Variants in POU2F2 observed in about 807,000 individuals in gnomAD.
The protein encoded by POU2F2 is POU domain, class 2, transcription factor 2.
Under a neutral mutation model 63.5 loss-of-function variants are expected in POU2F2, and 14 were observed. The ratio of observed to expected loss-of-function variants is 0.22; its 90% CI spans 0.15 to 0.34. The LOEUF is 0.34. Ranked by LOEUF, POU2F2 falls within the 10% of genes least tolerant of loss-of-function variation. The probability of loss-of-function intolerance (pLI) is 1.00; values close to 1 mark genes in which losing one functional copy is unlikely to be tolerated. For synonymous variants in POU2F2, 306 were observed against 348.6 expected, an observed-to-expected ratio of 0.88 and a Z score of 1.36; for missense variants, 607 against 815.2, an observed-to-expected ratio of 0.74 and a Z score of 3.11.
chr19:42,194,658 C>T (rs1023702441), intron 1 of POU2F2, among the ~76,000 whole-genome samples: 2 of 140,582 alleles, frequency 1.4e-5, no homozygotes, highest in Non-Finnish European at 3.0e-5. Context: ...GCCAGGGAGG[C>T]TGAAGCAGAA....
rs1003607068 is a variant in POU2F2 at position 42,155,235 on chromosome 19, C to T, written c.-9+5097G>A. ...CTCTCATGCGCTCAGCTCGCATGCA[C>T]GCGCCCTCTCTTTCTCTCTGTTCCT... On this transcript the variant is annotated intron_variant, in intron 2 of 6. Transcript: ENST00000524801. The surrounding 1 kb of genome is among the most constrained non-coding windows in gnomAD (Gnocchi z 4.2). Among the ~76,000 whole-genome samples the T allele has an allele frequency of 3.3e-5, 5 of 152,272 alleles. No homozygotes were observed. Among genetic ancestry groups the T allele is most frequent in the Non-Finnish European group, 7.3e-5 (5 of 68,050 alleles).
chr19:42,179,519 G>C (rs906953581), upstream of POU2F2, among the ~76,000 whole-genome samples: 1 of 151,976 alleles, frequency 6.6e-6, no homozygotes, highest in Non-Finnish European at 1.5e-5. Context: ...GAGGGAACAG[G>C]AGGGGGAAGG....
rs2034709977 is a variant in POU2F2, at chr19:42,169,248, T to C, written c.-70+6715A>G. On this transcript the variant is annotated intron_variant, in intron 1 of 6. Transcript: ENST00000524801. The surrounding 1 kb of genome is among the most constrained non-coding windows in gnomAD (Gnocchi z 4.3). ...CCCTGTGGGATTTCTGAATGTGGCC[T>C]GTGTGCACCCACAGGCATATAGGCT... 6.6e-6 allele frequency among the ~76,000 whole-genome samples: 1 copy of C among 152,254 alleles called. No individual in the cohort carries two copies. Among genetic ancestry groups the C allele is most frequent in the Admixed American group, 6.5e-5 (1 of 15,288 alleles).
At position 42,117,421 on chromosome 19, in the gene POU2F2, G is replaced by A. The variant is rs186674690; in HGVS notation, c.198C>T (p.Leu66=). Residue 66 remains leucine (L), a synonymous_variant, in exon 5 of 15, where the codon CTC becomes CTT. Transcript: ENST00000692977. The surrounding 1 kb of genome is among the most constrained non-coding windows in gnomAD (Gnocchi z 4.4). ...CCCAGAATGTTAAGTGGAGGCCAGA[G>A]AGAATGCCCACCTGTGAACCAAAGA... ...PTGPSTKVGI[L]SGLHLTFWGP... 1 of 1,277,052 alleles carries A rather than the reference G, an allele frequency of 7.8e-7. No homozygotes were observed. The highest frequency in any genetic ancestry group is 2.5e-5 in the East Asian group (1 of 39,716). The allele number at this position is 1,277,052 out of a possible 1,614,324, so 79.1% of individuals were successfully genotyped here.
upstream of POU2F2, among the ~76,000 whole-genome samples, chr19:42,176,528 A>C (rs1161891305): frequency 2.0e-5 from 3 of 151,554 alleles, no homozygotes; most frequent in Non-Finnish European, 4.4e-5. Flanking sequence ...CTCCGTCCTC[A>C]GCCGACTGCC....
intron 7 of POU2F2, among the ~76,000 whole-genome samples, chr19:42,097,982 G>T (rs2076987578): frequency 1.3e-5 from 2 of 152,084 alleles, no homozygotes; most frequent in Admixed American, 1.3e-4. Flanking sequence ...TGTTGTTGTT[G>T]TTGTTTTAGA....
At chr19:42,137,587 G>T (rs1445311950) in intron 2 of POU2F2, among the ~76,000 whole-genome samples, 3 of 151,970 alleles carry the variant, frequency 2.0e-5, no homozygotes, top group Non-Finnish European at 4.4e-5. Flanking sequence ...TTAGCTGGGT[G>T]TGGTGGTGTG....
At chr19:42,160,471 G>T (rs1177810279) in intron 1 of POU2F2, 1 of 152,200 alleles carries the variant, frequency 6.6e-6, no homozygotes, top group Non-Finnish European at 1.5e-5. Flanking sequence ...CTCCAGTGGA[G>T]GAACCCTCCT....
rs933822532 is a variant in POU2F2 at position 42,087,352 on chromosome 19, C to G, written c.*3905G>C. 2 of 152,092 alleles carry G rather than the reference C, an allele frequency of 1.3e-5. No homozygotes were observed. 9.4% of individuals were successfully genotyped at this position (152,092 alleles called of 1,614,324 possible). A position where few individuals can be genotyped will look rare whatever the true frequency, so the allele number is the denominator to read the frequency against. On this transcript the variant is annotated 3_prime_UTR_variant, in exon 15 of 15. Coordinates refer to ENST00000692977, the MANE Select transcript of POU2F2 (RefSeq NM_001394376.1). ...CTGGTGTTCATGTGGGTTAGAAAAA[C>G]TAGTCAGGTCAAGAGGTCACCCTGA...
At chr19:42,100,041 C>T (rs2077071223) in intron 5 of POU2F2, among the ~76,000 whole-genome samples, 1 of 149,092 alleles carries the variant, frequency 6.7e-6, no homozygotes, top group Non-Finnish European at 1.5e-5. Flanking sequence ...AGAGTCCCAA[C>T]TGGGCAGTCC....
Position 42,122,930 on chromosome 19 carries a change from G to A in POU2F2, c.29-354C>T, listed in dbSNP as rs376856966. Among the ~76,000 whole-genome samples the A allele has an allele frequency of 6.6e-5, 10 of 152,316 alleles. 1 individual carries two copies. Among genetic ancestry groups the A allele is most frequent in the East Asian group, 5.8e-4 (3 of 5,182 alleles). On this transcript the variant is annotated intron_variant, in intron 1 of 14. Transcript: ENST00000692977. ...GGAGGCTGGTGACGTCCCAAAGGAG[G>A]GAGAGCAGCCTTGGGCCTCCTCCTG...
At chr19:42,141,473 C>CTT (rs58221767) in intron 2 of POU2F2, among the ~76,000 whole-genome samples, 1,317 of 98,782 alleles carry the variant, frequency 0.013, 3 homozygotes, top group Non-Finnish European at 0.015. Flanking sequence ...CTTAATTAAT[C>CTT]TTTTTTTTTT....
chr19:42,091,320 G>A lies in POU2F2; in HGVS notation c.1812C>T (p.Ser604=), dbSNP rs375640794. The change falls in exon 15 of 15, where the codon AGC becomes AGT. Residue 604 remains serine, a synonymous_variant. Coordinates refer to ENST00000692977, the MANE Select transcript of POU2F2 (RefSeq NM_001394376.1). ...CTCCAGGGGTCTGTGCTGCCGTCTC[G>A]CTGCAAGTGGAGGAGGAGGAGGATG... ...SSSSSSSSTC[S]ETAAQTPGGP... 3.6e-4 allele frequency: 546 copies of A among 1,534,928 alleles called. 11 individuals are homozygous for A. The East Asian group carries it at 8.6e-3, about 24-fold the overall frequency.
At position 42,117,306 on chromosome 19, in the gene POU2F2, C is replaced by T. The variant is rs762031973; in HGVS notation, c.313G>A (p.Ala105Thr). 2.6e-6 allele frequency: 4 copies of T among 1,515,026 alleles called. No homozygotes were observed. In the Admixed American group the frequency reaches 1.0e-4, roughly 39 times the overall value. 93.8% of individuals were successfully genotyped at this position (1,515,026 alleles called of 1,614,324 possible). A position where few individuals can be genotyped will look rare whatever the true frequency, so the allele number is the denominator to read the frequency against. Residue 105 changes from alanine to threonine, a missense_variant, in exon 5 of 15, where the codon GCC becomes ACC. Physicochemically the swap from Ala to Thr is moderately conservative, Grantham distance 58 (BLOSUM62 0). Transcript: ENST00000692977. The surrounding 1 kb of genome is among the most constrained non-coding windows in gnomAD (Gnocchi z 4.4). Reference protein sequence around the residue: ...APAAPLPPQPAQPHLPQAQLM... With the variant: ...APAAPLPPQPTQPHLPQAQLM... ...TGGGCCTGGGGCAGATGAGGCTGGGCCGGCTGAGGGGGCAGGGGTGCTGCT... is the reference window on the plus strand; with the variant it reads ...TGGGCCTGGGGCAGATGAGGCTGGGTCGGCTGAGGGGGCAGGGGTGCTGCT...
At chr19:42,183,385 A>C (rs1322379897) in intron 1 of POU2F2, among the ~76,000 whole-genome samples, 1 of 152,198 alleles carries the variant, frequency 6.6e-6, no homozygotes, top group Non-Finnish European at 1.5e-5. Context: ...CTAGACAGCA[A>C]AACTACTGTG....
chr19:42,094,466 G>A (rs2076845430), intron 11 of POU2F2, among the ~76,000 whole-genome samples: 1 of 152,154 alleles, frequency 6.6e-6, no homozygotes, highest in African/African-American at 2.4e-5. Context: ...ATCAGCCCCA[G>A]AAACCTCACT....
At chr19:42,101,679 C>T (rs1292057951) in intron 5 of POU2F2, among the ~76,000 whole-genome samples, 5 of 152,110 alleles carry the variant, frequency 3.3e-5, no homozygotes, top group South Asian at 2.1e-4. Flanking sequence ...CTAATATAGG[C>T]GCTATCTAAG....
At chr19:42,094,269 C>A (rs2076839365) in intron 11 of POU2F2, among the ~76,000 whole-genome samples, 1 of 152,204 alleles carries the variant, frequency 6.6e-6, no homozygotes, top group African/African-American at 2.4e-5. Flanking sequence ...CACCCTTTTA[C>A]CAGTGGGGTT....
Position 42,161,971 on chromosome 19 carries a change from C to T in POU2F2, c.-69-1579G>A, listed in dbSNP as rs897410648. Reference sequence around the variant, plus strand: ...CAGGGCAAAATCGATGGCGTTTAATCGCCTTGCCGATTCCCAGTCAAAACA... The same window carrying T: ...CAGGGCAAAATCGATGGCGTTTAATTGCCTTGCCGATTCCCAGTCAAAACA... On this transcript the variant is annotated intron_variant, in intron 1 of 6. Coordinates refer to the POU2F2 transcript ENST00000524801. 1.1e-4 allele frequency among the ~76,000 whole-genome samples: 16 copies of T among 152,354 alleles called. No homozygotes were observed. In the South Asian group the frequency reaches 3.3e-3, roughly 32 times the overall value.
Sources: gnomAD v4.1 joint callset for allele counts (sites outside exome capture counted in the v4.1 genomes callset) on GRCh38, gnomAD v4.1.1 for gene constraint, Gnocchi (gnomAD v3.1) non-coding constraint, MANE v1.5 for transcripts, NCBI Gene and HGNC (gene_info 2026-07-23, HGNC 2026-07-21) for gene names.